Variants in RTL9 observed in about 807,000 individuals in gnomAD.
The protein encoded by RTL9 is retrotransposon Gag-like protein 9.
RTL9 carries 19 observed loss-of-function variants against 44.7 expected under a neutral mutation model. The observed-to-expected ratio is 0.42, with a 90% confidence interval of 0.30 to 0.62. RTL9 has a LOEUF of 0.62. Ranked by LOEUF, RTL9 falls within the 20% of genes least tolerant of loss-of-function variation. RTL9 has a pLI of 0.16. For missense variants in RTL9, 1,105 were observed against 1,080.6 expected, an observed-to-expected ratio of 1.02 and a Z score of -0.32; for synonymous variants, 407 against 398.9, an observed-to-expected ratio of 1.02 and a Z score of -0.24.
upstream of RTL9, among the ~76,000 whole-genome samples, chrX:110,415,879 T>C (rs1405573501): frequency 9.0e-6 from 1 of 110,964 alleles, no homozygotes; most frequent in East Asian, 2.8e-4. Context: ...TGACCAAAAA[T>C]GTTTGCCTTT....
chrX:110,363,492 C>T (rs1440790653), intron 1 of RTL9, among the ~76,000 whole-genome samples: 1 of 111,962 alleles, frequency 8.9e-6, no homozygotes, highest in Non-Finnish European at 1.9e-5. Flanking sequence ...AAAATGTAAT[C>T]AGTGGAAAAC....
chrX:110,455,293 A>G (rs745394207), exon 2 of RTL9: 2 of 1,210,008 alleles, frequency 1.7e-6, no homozygotes, highest in South Asian at 1.8e-5. Flanking sequence ...AGCACAGGCC[A>G]TCATCAGAAG....
intron 1 of RTL9, among the ~76,000 whole-genome samples, chrX:110,434,408 G>A (rs944640475): frequency 9.9e-5 from 11 of 111,634 alleles, no homozygotes; most frequent in African/African-American, 3.3e-4. Flanking sequence ...CGGACCAATT[G>A]GGAGACCATC....
exon 1 of RTL9, chrX:110,454,031 G>T (rs201580349): frequency 9.4e-5 from 114 of 1,210,418 alleles, no homozygotes; most frequent in Non-Finnish European, 2.0e-5. Context: ...CAAAGGAAGT[G>T]CCATCCTTCG....
At chrX:110,444,450 T>C (rs1271762349) in intron 1 of RTL9, among the ~76,000 whole-genome samples, 2 of 112,548 alleles carry the variant, frequency 1.8e-5, no homozygotes, top group African/African-American at 3.2e-5. Flanking sequence ...TCCAGGAAAA[T>C]TGCAGCAGTC....
chrX:110,409,385 A>T (rs1315420072), intron 1 of RTL9, among the ~76,000 whole-genome samples: 3 of 111,278 alleles, frequency 2.7e-5, no homozygotes, highest in African/African-American at 9.8e-5. Context: ...TGGTGAAGAG[A>T]GTTGTGTTTA....
rs769058683 is a variant in RTL9, at chrX:110,452,697, A to G, written c.2080A>G (p.Met694Val). Reference sequence around the variant, plus strand: ...AGCCACAGTCTCTGGAGGGATGTCCATGCCACTAATGAGAGCTCAAGACCC... The same window carrying G: ...AGCCACAGTCTCTGGAGGGATGTCCGTGCCACTAATGAGAGCTCAAGACCC... Residue 694 changes from methionine (M) to valine (V), a missense_variant, in exon 1 of 2, where the codon ATG becomes GTG. Coordinates refer to ENST00000540313, the Ensembl canonical transcript of RTL9. 198 of 1,208,806 alleles carry G rather than the reference A, an allele frequency of 1.6e-4. 2 individuals are homozygous for G. In the Admixed American group the frequency reaches 4.0e-3, roughly 25 times the overall value.
chrX:110,387,086 C>T (rs1197596557), intron 1 of RTL9, among the ~76,000 whole-genome samples: 2 of 111,962 alleles, frequency 1.8e-5, no homozygotes, highest in Non-Finnish European at 1.9e-5. Context: ...TCTAAGCAGT[C>T]TGTAATTAAC....
In RTL9 at chrX:110,423,328, C is replaced by CA. The variant is rs764253802; in HGVS notation, c.-168+4206dup. 5.9e-3 allele frequency among the ~76,000 whole-genome samples: 359 copies of CA among 60,640 alleles called. 3 individuals are homozygous for CA. The highest frequency in any genetic ancestry group is 0.026 in the South Asian group (31 of 1,172). The allele number at this position is 60,640 out of a possible 115,157, so 52.7% of individuals were successfully genotyped here. On this transcript the variant is annotated intron_variant, in intron 1 of 3. Transcript: ENST00000465301. Reference sequence around the variant, plus strand: ...GGGCAACAAGAGTGAAACTCGGTCTCAAAAAAAAAAAAAGAAAAAGAAAAA... The same window carrying CA: ...GGGCAACAAGAGTGAAACTCGGTCTCAAAAAAAAAAAAAAGAAAAAGAAAAA...
chrX:110,413,609 AC>A (rs2068657315), intron 1 of RTL9, among the ~76,000 whole-genome samples: 1 of 98,781 alleles, frequency 1.0e-5, no homozygotes, highest in Non-Finnish European at 2.0e-5. Flanking sequence ...GGTGAGTTGG[AC>A]ATCCGTGATC....
At chrX:110,426,798 A>G (rs2068757779) in intron 1 of RTL9, 1 of 111,900 alleles carries the variant, frequency 8.9e-6, no homozygotes, top group Non-Finnish European at 1.9e-5. Flanking sequence ...GTGAGGACTC[A>G]TGGTGCTGAA....
At chrX:110,439,858 A>G in intron 1 of RTL9, 1 of 111,015 alleles carries the variant, frequency 9.0e-6, no homozygotes, top group East Asian at 2.8e-4. Context: ...TCCCCAAAAG[A>G]CAGCATGAGC....
intron 1 of RTL9, among the ~76,000 whole-genome samples, chrX:110,434,024 G>A (rs1358803134): frequency 9.0e-6 from 1 of 111,486 alleles, no homozygotes; most frequent in East Asian, 2.8e-4. Flanking sequence ...ACGTATCTGG[G>A]GAAGTTGAGG....
rs760284501 is a variant in RTL9, at chrX:110,452,751, G to A, written c.2134G>A (p.Ala712Thr). ...AGTAATGCCTGCCTCACTAATGAGA[G>A]CCAAAGTGTCTGGAAAGATGCTCAG... Residue 712 changes from alanine to threonine, a missense_variant, in exon 1 of 2, where the codon GCC (alanine) becomes ACC (threonine). By Grantham distance (58) the Ala-to-Thr change is moderately conservative. Transcript: ENST00000540313. 61 of 1,208,735 alleles carry A rather than the reference G, an allele frequency of 5.0e-5. No homozygotes were observed. The Middle Eastern group carries it at 1.1e-3, about 23-fold the overall frequency.
chrX:110,410,075 A>G (rs186814183), intron 1 of RTL9, among the ~76,000 whole-genome samples: 4 of 111,986 alleles, frequency 3.6e-5, no homozygotes, highest in Non-Finnish European at 5.6e-5. Context: ...GAACCCAGTT[A>G]GGGAAACCAC....
In RTL9 at chrX:110,391,796, C is replaced by T. The variant is rs143544506; in HGVS notation, c.-168+32880C>T. ...AGATGTTGGCAAGTAGTACTTGGAC[C>T]GAACAGCATAGTCGTTGAACAGCAT... On this transcript the variant is annotated intron_variant, in intron 1 of 2. Transcript: ENST00000520821. Among the ~76,000 whole-genome samples, 206 of 112,174 alleles carry T rather than the reference C, an allele frequency of 1.8e-3. No homozygotes were observed. The East Asian group carries it at 0.027, about 15-fold the overall frequency.
intron 1 of RTL9, among the ~76,000 whole-genome samples, chrX:110,440,795 C>T (rs1320141760): frequency 8.9e-6 from 1 of 112,280 alleles, no homozygotes; most frequent in African/African-American, 3.2e-5. Context: ...TCTTAAAAAT[C>T]AACAGAGAAG....
At chrX:110,361,958 G>T (rs1298825440) in intron 1 of RTL9, among the ~76,000 whole-genome samples, 1 of 111,688 alleles carries the variant, frequency 9.0e-6, no homozygotes, top group Admixed American at 9.5e-5. Flanking sequence ...CAGGGAGCGG[G>T]CTAGATTTAG....
At position 110,359,298 on chromosome X, in the gene RTL9, T is replaced by G. The variant is rs756446053; in HGVS notation, c.-168+382T>G. Among the ~76,000 whole-genome samples the G allele has an allele frequency of 1.3e-4, 14 of 111,082 alleles. No homozygotes were observed. The South Asian group carries it at 5.4e-3, about 43-fold the overall frequency. On this transcript the variant is annotated intron_variant, in intron 1 of 2. Transcript: ENST00000520821. ...AGCAAATTTCCCTTACCCCTTTGGC[T>G]TTTTTTTCACCCATGAACCCTCTAA... is the stretch of plus-strand genomic sequence containing the variant.
Sources: gnomAD v4.1 joint callset for allele counts (sites outside exome capture counted in the v4.1 genomes callset) on GRCh38, gnomAD v4.1.1 for gene constraint, MANE v1.5 for transcripts, NCBI Gene and HGNC (gene_info 2026-07-23, HGNC 2026-07-21) for gene names.